ANKRD46: variants seen among roughly 807,000 people sequenced by gnomAD.
The protein encoded by ANKRD46 is ankyrin repeat domain-containing protein 46.
Under a neutral mutation model 19.8 loss-of-function variants are expected in ANKRD46, and 13 were observed. That is an observed-to-expected ratio of 0.66 (90% CI 0.43 to 1.04). The LOEUF (loss-of-function observed/expected upper bound fraction) is 1.04, where lower values mean the gene tolerates loss of function less well. Ranked by LOEUF, ANKRD46 falls within the 50% of genes least tolerant of loss-of-function variation. The pLI, the probability that ANKRD46 is intolerant of heterozygous loss-of-function variation, is 0.00. For missense variants in ANKRD46, 185 were observed against 274.8 expected (o/e 0.67, Z 2.31); for synonymous variants, 91 against 106.9 (o/e 0.85, Z 0.92).
chr8:100,527,727 T>C lies in ANKRD46; in HGVS notation c.470+118A>G. On this transcript the variant is annotated intron_variant, in intron 4 of 4. Coordinates refer to ENST00000335659, the MANE Select transcript of ANKRD46 (RefSeq NM_001270377.2). The surrounding 1 kb of genome is among the most constrained non-coding windows in gnomAD (Gnocchi z 4.0). ...AAAAATCGTATTATCTTGCTGGGTG[T>C]GGCTACATGTGCCTATAGTCCCAGC... 9.7e-7 allele frequency: 1 copy of C among 1,026,938 alleles called. No individual in the cohort carries two copies. Among genetic ancestry groups the C allele is most frequent in the South Asian group, 2.3e-5 (1 of 44,322 alleles). 63.6% of individuals were successfully genotyped at this position (1,026,938 alleles called of 1,614,324 possible).
intron 1 of ANKRD46, among the ~76,000 whole-genome samples, chr8:100,541,008 A>G (rs1179293792): frequency 6.8e-6 from 1 of 147,994 alleles, no homozygotes; most frequent in Non-Finnish European, 1.5e-5. Flanking sequence ...TTCAAGTTCA[A>G]CTTCAGCATC....
At chr8:100,523,629 C>T (rs1811778163) in intron 4 of ANKRD46, among the ~76,000 whole-genome samples, 1 of 151,956 alleles carries the variant, frequency 6.6e-6, no homozygotes, top group African/African-American at 2.4e-5. Context: ...CATGTGGACT[C>T]GTCTAGTCAT....
intron 5 of ANKRD46, among the ~76,000 whole-genome samples, chr8:100,514,277 AAG>A (rs994261231): frequency 6.6e-6 from 1 of 152,236 alleles, no homozygotes; most frequent in African/African-American, 2.4e-5. Flanking sequence ...TACTGTGAAA[AAG>A]AGGAAAACCA....
In ANKRD46 at chr8:100,543,827, A is replaced by C. The variant is rs1812221545; in HGVS notation, c.-130-10516T>G. Among the ~76,000 whole-genome samples, 1 of 152,226 alleles carries C rather than the reference A, an allele frequency of 6.6e-6. No homozygotes were observed. Among genetic ancestry groups the C allele is most frequent in the Non-Finnish European group, 1.5e-5 (1 of 68,032 alleles). On this transcript the variant is annotated intron_variant, in intron 1 of 4. Coordinates refer to ENST00000335659, the MANE Select transcript of ANKRD46 (RefSeq NM_001270377.2). The surrounding 1 kb of genome is among the most constrained non-coding windows in gnomAD (Gnocchi z 4.2). ...TCTGCATGTCTTCTTCAGTGATACT[A>C]TCAAAATAAATCTATTCCAAATACA...
At position 100,550,603 on chromosome 8, in the gene ANKRD46, G is replaced by C. The variant is rs1812365541; in HGVS notation, c.-131+9108C>G. 1 of 199,298 alleles carries C rather than the reference G, an allele frequency of 5.0e-6. No individual in the cohort carries two copies. The highest frequency in any genetic ancestry group is 2.4e-5 in the African/African-American group (1 of 42,138). The allele number at this position is 199,298 out of a possible 1,614,324, so 12.3% of individuals were successfully genotyped here. A position where few individuals can be genotyped will look rare whatever the true frequency, so the allele number is the denominator to read the frequency against. ...TAGAGCTCTTTGTGGGGTCTGCATGGAAACTGTGAAGAGGGGAGATTCCCA... is the reference window on the plus strand; with the variant it reads ...TAGAGCTCTTTGTGGGGTCTGCATGCAAACTGTGAAGAGGGGAGATTCCCA... On this transcript the variant is annotated intron_variant, in intron 1 of 4. Transcript: ENST00000335659. The surrounding 1 kb of genome is among the most constrained non-coding windows in gnomAD (Gnocchi z 4.4).
In ANKRD46 at chr8:100,521,578, G is replaced by A; in HGVS notation, c.*977C>T. ...AATGCTCCATCCATTCTTGCCATCAGAGAATTACAGATATGGATGGGATTG... is the reference window on the plus strand; with the variant it reads ...AATGCTCCATCCATTCTTGCCATCAAAGAATTACAGATATGGATGGGATTG... On this transcript the variant is annotated 3_prime_UTR_variant, in exon 5 of 5. Coordinates refer to ENST00000335659, the MANE Select transcript of ANKRD46 (RefSeq NM_001270377.2). The A allele has an allele frequency of 1.0e-6, 1 of 985,448 alleles. No homozygotes were observed. Among genetic ancestry groups the A allele is most frequent in the Non-Finnish European group, 1.2e-6 (1 of 829,932 alleles). The allele number at this position is 985,448 out of a possible 1,614,324, so 61.0% of individuals were successfully genotyped here. A position where few individuals can be genotyped will look rare whatever the true frequency, so the allele number is the denominator to read the frequency against.
chr8:100,510,634 C>T lies in ANKRD46; in HGVS notation c.642G>A (p.Arg214=). 6.5e-7 allele frequency: 1 copy of T among 1,534,822 alleles called. No individual in the cohort carries two copies. The highest frequency in any genetic ancestry group is 1.7e-4 in the Middle Eastern group (1 of 5,940). The change falls in exon 6 of 6, where the codon AGG becomes AGA. Residue 214 remains arginine, a synonymous_variant. Transcript: ENST00000520552. This position sits in a 1 kb window ranked among gnomAD's most constrained non-coding sequence, Gnocchi z 4.9. ...TTGCAAAGCTTCCAAGCCTCAGTGT[C>T]CTTCTCTGTAAATGTGGGGAAGACA... is the stretch of plus-strand genomic sequence containing the variant.
rs1002220775 is a variant in ANKRD46 at position 100,529,120 on chromosome 8, G to A, written c.311+403C>T. Among the ~76,000 whole-genome samples, 1 of 152,134 alleles carries A rather than the reference G, an allele frequency of 6.6e-6. No homozygotes were observed. The highest frequency in any genetic ancestry group is 1.5e-5 in the Non-Finnish European group (1 of 68,032). On this transcript the variant is annotated intron_variant, in intron 3 of 4. Coordinates refer to ENST00000335659, the MANE Select transcript of ANKRD46 (RefSeq NM_001270377.2). The surrounding 1 kb of genome is among the most constrained non-coding windows in gnomAD (Gnocchi z 5.8). Reference sequence around the variant, plus strand: ...ATCCTCTATAAACTGTGTGAACTTTGTCCAATCCTTTTTTGTCTTCACTAT... The same window carrying A: ...ATCCTCTATAAACTGTGTGAACTTTATCCAATCCTTTTTTGTCTTCACTAT...
rs112670071 is a variant in ANKRD46 at position 100,511,436 on chromosome 8, TTGTG to T, written c.637-801_637-798del. Reference sequence around the variant, plus strand: ...GGTAAATGGTGAGGTAGACACCAAGTTGTGTGTGTGTGTGTGTGTGTGTGTCCTG... The same window carrying T: ...GGTAAATGGTGAGGTAGACACCAAGTTGTGTGTGTGTGTGTGTGTGTCCTG... On this transcript the variant is annotated intron_variant, in intron 5 of 5. Transcript: ENST00000520552. This position sits in a 1 kb window ranked among gnomAD's most constrained non-coding sequence, Gnocchi z 4.1. 6.7e-5 allele frequency among the ~76,000 whole-genome samples: 10 copies of T among 148,496 alleles called. No individual in the cohort carries two copies. The highest frequency in any genetic ancestry group is 3.4e-3 in the Middle Eastern group (1 of 292).
At chr8:100,519,670 G>A (rs1004225806), downstream of ANKRD46, among the ~76,000 whole-genome samples, 21 of 152,190 alleles carry the variant, frequency 1.4e-4, no homozygotes, top group Non-Finnish European at 2.5e-4. Context: ...AGTGGCAGGT[G>A]AATATTGTTC....
chr8:100,521,717 C>T lies in ANKRD46; in HGVS notation c.*838G>A, dbSNP rs1473222991. On this transcript the variant is annotated 3_prime_UTR_variant, in exon 5 of 5. Coordinates refer to ENST00000335659, the MANE Select transcript of ANKRD46 (RefSeq NM_001270377.2). Reference sequence around the variant, plus strand: ...AACTGAGTTTTTCACTATAATAGCACTACAGAATTATGACAGTTAAATATC... The same window carrying T: ...AACTGAGTTTTTCACTATAATAGCATTACAGAATTATGACAGTTAAATATC... 5.1e-6 allele frequency: 5 copies of T among 985,162 alleles called. No homozygotes were observed. The highest frequency in any genetic ancestry group is 6.0e-6 in the Non-Finnish European group (5 of 829,826). 61.0% of individuals were successfully genotyped at this position (985,162 alleles called of 1,614,324 possible).
intron 1 of ANKRD46, among the ~76,000 whole-genome samples, chr8:100,552,916 T>A (rs1812423205): frequency 6.7e-6 from 1 of 149,958 alleles, no homozygotes; most frequent in African/African-American, 2.5e-5. Context: ...AAGTGGTCAT[T>A]ACTATTTGAT....
Position 100,510,475 on chromosome 8 carries a change from C to T in ANKRD46, c.*102G>A. ...AGCTTTGAGATGATGCTCCATGACA[C>T]AAGTCGTGACGGAAACAGCCCCACC... On this transcript the variant is annotated 3_prime_UTR_variant, in exon 6 of 6. Coordinates refer to the ANKRD46 transcript ENST00000520552. The surrounding 1 kb of genome is among the most constrained non-coding windows in gnomAD (Gnocchi z 4.9). The T allele has an allele frequency of 8.8e-7, 1 of 1,135,784 alleles. No individual in the cohort carries two copies. Among genetic ancestry groups the T allele is most frequent in the Non-Finnish European group, 1.2e-6 (1 of 812,442 alleles). The allele number at this position is 1,135,784 out of a possible 1,614,324, so 70.4% of individuals were successfully genotyped here.
chr8:100,557,899 T>G lies in ANKRD46; in HGVS notation c.-131+1812A>C, dbSNP rs1563495529. ...CTATCCCCCTTTGCTACTTTATTTT[T>G]ATTCCTAGTAACTGTTACCATCTGA... is the stretch of plus-strand genomic sequence containing the variant. On this transcript the variant is annotated intron_variant, in intron 1 of 4. Transcript: ENST00000335659. The surrounding 1 kb of genome is among the most constrained non-coding windows in gnomAD (Gnocchi z 5.9). 6.6e-6 allele frequency among the ~76,000 whole-genome samples: 1 copy of G among 152,174 alleles called. No individual in the cohort carries two copies.
chr8:100,551,280 A>G, intron 1 of ANKRD46: 1 of 498,622 alleles, frequency 2.0e-6, no homozygotes, highest in Non-Finnish European at 3.8e-6. Flanking sequence ...ATTGCTGATG[A>G]TCTTGAGGCT....
rs561111297 is a variant in ANKRD46, at chr8:100,546,129, T to TG, written c.-130-12819dup. On this transcript the variant is annotated intron_variant, in intron 1 of 4. Transcript: ENST00000335659. This position sits in a 1 kb window ranked among gnomAD's most constrained non-coding sequence, Gnocchi z 4.0. ...TGGTAGAAAAGAAAACCCCATTTTC[T>TG]GGGGAGAAACTCAAGCATGCTACAG... 3.7e-3 allele frequency among the ~76,000 whole-genome samples: 560 copies of TG among 152,354 alleles called. 1 individual carries two copies. Among genetic ancestry groups the TG allele is most frequent in the Non-Finnish European group, 6.0e-3 (407 of 68,022 alleles).
chr8:100,531,473 C>T lies in ANKRD46; in HGVS notation c.-27-1613G>A, dbSNP rs145777108. ...AATCTGGGGCTGCCTTACACAAGGG[C>T]TCTGCTGCTACCATGGGCTCTCTGT... On this transcript the variant is annotated intron_variant, in intron 2 of 4. Coordinates refer to ENST00000335659, the MANE Select transcript of ANKRD46 (RefSeq NM_001270377.2). Among the ~76,000 whole-genome samples, 78 of 152,306 alleles carry T rather than the reference C, an allele frequency of 5.1e-4. No homozygotes were observed. The East Asian group carries it at 0.014, about 28-fold the overall frequency.
rs76757961 is a variant in ANKRD46, at chr8:100,536,821, G to T, written c.-130-3510C>A. ...GGCAGACTAGCTGGCATTGTTAAAA[G>T]CAGAACTTTGGGGGTCAGGTTTTTG... On this transcript the variant is annotated intron_variant, in intron 1 of 4. Coordinates refer to ENST00000335659, the MANE Select transcript of ANKRD46 (RefSeq NM_001270377.2). The surrounding 1 kb of genome is among the most constrained non-coding windows in gnomAD (Gnocchi z 4.9). Among the ~76,000 whole-genome samples the T allele has an allele frequency of 1.2e-3, 190 of 152,300 alleles. 3 individuals are homozygous for T. The East Asian group carries it at 0.035, about 28-fold the overall frequency.
In ANKRD46 at chr8:100,550,766, G is replaced by T; in HGVS notation, c.-131+8945C>A. The T allele has an allele frequency of 2.2e-6, 1 of 450,414 alleles. No individual in the cohort carries two copies. 27.9% of individuals were successfully genotyped at this position (450,414 alleles called of 1,614,324 possible). On this transcript the variant is annotated intron_variant, in intron 1 of 4. Transcript: ENST00000335659. The surrounding 1 kb of genome is among the most constrained non-coding windows in gnomAD (Gnocchi z 4.4). Reference sequence around the variant, plus strand: ...TATGGGCCACCACCCTGTTGCTGTAGCCAAATTCACTGTTGTACGAGGAAA... The same window carrying T: ...TATGGGCCACCACCCTGTTGCTGTATCCAAATTCACTGTTGTACGAGGAAA...
Sources: allele counts gnomAD v4.1 joint callset (sites outside exome capture counted in the v4.1 genomes callset), GRCh38; gene constraint gnomAD v4.1.1; non-coding constraint Gnocchi (gnomAD v3.1); transcripts MANE v1.5; gene names NCBI Gene and HGNC (gene_info 2026-07-23, HGNC 2026-07-21).